The following TNFRSF10B variants were observed in gnomAD, a reference collection of about 807,000 sequenced individuals.
The protein encoded by TNFRSF10B is TNF receptor superfamily member 10b.
Under a neutral mutation model 41.4 loss-of-function variants are expected in TNFRSF10B, and 35 were observed. That is an observed-to-expected ratio of 0.85 (90% CI 0.65 to 1.12). The LOEUF (loss-of-function observed/expected upper bound fraction) is 1.12. Among genes scored for constraint, TNFRSF10B ranks in the 50% most tolerant of loss-of-function variants. The pLI is 0.00. For missense variants in TNFRSF10B, 584 were observed against 552.7 expected (o/e 1.06, Z -0.57); for synonymous variants, 230 against 215.5 (o/e 1.07, Z -0.59).
intron 6 of TNFRSF10B, 72 bp downstream of exon 6, chr8:23,027,648 CCA>C: frequency 6.2e-7 from 1 of 1,604,222 alleles, no homozygotes; most frequent in African/African-American, 1.3e-5. Flanking sequence ...GGGGACCCAC[CCA>C]CCCAGGTTCT....
At chr8:23,049,813 T>C (rs1812469085) in intron 1 of TNFRSF10B, 2 of 152,162 alleles carry the variant, frequency 1.3e-5, no homozygotes, top group African/African-American at 2.4e-5. Flanking sequence ...TTCACCTGCA[T>C]CTTCTTATTG....
intron 3 of TNFRSF10B, 33 bp downstream of exon 3, chr8:23,030,726 C>T: frequency 6.5e-7 from 1 of 1,547,258 alleles, no homozygotes; most frequent in Non-Finnish European, 8.9e-7. Flanking sequence ...CCCCGCATTC[C>T]ACCTTTAGGC....
At chr8:23,045,487 T>C (rs1190732107) in intron 1 of TNFRSF10B, among the ~76,000 whole-genome samples, 1 of 152,236 alleles carries the variant, frequency 6.6e-6, no homozygotes, top group African/African-American at 2.4e-5. Context: ...AAGGCTTCAC[T>C]GCTGAATTCA....
At chr8:23,053,672 A>G (rs1038026873) in intron 1 of TNFRSF10B, among the ~76,000 whole-genome samples, 6 of 152,200 alleles carry the variant, frequency 3.9e-5, no homozygotes, top group Admixed American at 6.5e-5. Context: ...AGAGTTATGA[A>G]AGGTCTATAA....
At chr8:23,059,865 C>T (rs910113129) in intron 1 of TNFRSF10B, among the ~76,000 whole-genome samples, 4 of 152,124 alleles carry the variant, frequency 2.6e-5, no homozygotes, top group Non-Finnish European at 5.9e-5. Context: ...GTATCTCTGT[C>T]GTTTTGACCA....
chr8:23,067,458 C>CAGAG (rs1813022876), intron 1 of TNFRSF10B, among the ~76,000 whole-genome samples: 2 of 151,938 alleles, frequency 1.3e-5, no homozygotes, highest in Non-Finnish European at 2.9e-5. Context: ...AAAAAAAACC[C>CAGAG]CACAACAGAG....
intron 1 of TNFRSF10B, among the ~76,000 whole-genome samples, chr8:23,055,490 A>G (rs1585224601): frequency 6.7e-6 from 1 of 149,546 alleles, no homozygotes; most frequent in African/African-American, 2.5e-5. Flanking sequence ...TTTCAGTACT[A>G]ATCAAGTGCT....
chr8:23,063,886 G>C (rs1812907635), intron 1 of TNFRSF10B, among the ~76,000 whole-genome samples: 1 of 152,212 alleles, frequency 6.6e-6, no homozygotes. Flanking sequence ...CCTCTGTTCT[G>C]TCCTCAGCCT....
At chr8:23,040,796 A>G (rs1812172698) in intron 2 of TNFRSF10B, among the ~76,000 whole-genome samples, 1 of 152,114 alleles carries the variant, frequency 6.6e-6, no homozygotes, top group Admixed American at 6.5e-5. Context: ...TTTTATTAAT[A>G]TTGAAAGACA....
intron 1 of TNFRSF10B, among the ~76,000 whole-genome samples, chr8:23,047,357 C>CA (rs71206564): frequency 0.27 from 28,806 of 108,132 alleles, 3,393 homozygotes; most frequent in Non-Finnish European, 0.31. Flanking sequence ...AATTTCATCT[C>CA]AAAAAAAAAA....
chr8:23,029,845 T>G lies in TNFRSF10B; in HGVS notation c.365-124A>C, dbSNP rs781189700. 3.4e-4 allele frequency: 294 copies of G among 869,710 alleles called. 2 individuals are homozygous for G. Among genetic ancestry groups the G allele is most frequent in the Middle Eastern group, 2.2e-3 (7 of 3,118 alleles). 53.9% of individuals were successfully genotyped at this position (869,710 alleles called of 1,614,324 possible). A position where few individuals can be genotyped will look rare whatever the true frequency, so the allele number is the denominator to read the frequency against. ...TTGCCAAGGAGTTCTGAGGGCCAGT[T>G]TCTGCACCAGCACACTCATGGCTCA... is the stretch of plus-strand genomic sequence containing the variant. On this transcript the variant is annotated intron_variant, in intron 3 of 8. Transcript: ENST00000276431.
At chr8:23,057,850 A>G (rs181928674) in intron 1 of TNFRSF10B, among the ~76,000 whole-genome samples, 236 of 152,334 alleles carry the variant, frequency 1.5e-3, no homozygotes, top group Non-Finnish European at 2.8e-3. Flanking sequence ...AATCCACCTC[A>G]TATGATATTA....
rs781354427 is a variant in TNFRSF10B, at chr8:23,068,956, G to T, written c.-62C>A. Reference sequence around the variant, plus strand: ...TGGGTTTCAGCCCTTAAAGTAGATCGGGCATCGTCGGTGTATTTTGTGGGC... The same window carrying T: ...TGGGTTTCAGCCCTTAAAGTAGATCTGGCATCGTCGGTGTATTTTGTGGGC... On this transcript the variant is annotated 5_prime_UTR_variant, in exon 1 of 9. Coordinates refer to ENST00000276431, the MANE Select transcript of TNFRSF10B (RefSeq NM_003842.5). The T allele has an allele frequency of 8.1e-6, 13 of 1,611,754 alleles. No homozygotes were observed. Among genetic ancestry groups the T allele is most frequent in the Middle Eastern group, 1.7e-4 (1 of 6,054 alleles).
chr8:23,021,346 C>A lies in TNFRSF10B; in HGVS notation c.*1325G>T. The A allele has an allele frequency of 4.4e-6, 2 of 454,110 alleles. No individual in the cohort carries two copies. Among genetic ancestry groups the A allele is most frequent in the Non-Finnish European group, 8.8e-6 (2 of 226,786 alleles). The allele number at this position is 454,110 out of a possible 1,614,324, so 28.1% of individuals were successfully genotyped here. A position where few individuals can be genotyped will look rare whatever the true frequency, so the allele number is the denominator to read the frequency against. ...AGTAGGCAATCTGTACCCTAAAAGG[C>A]AGCTCATGGGCTCAGGGTGACAGAT... On this transcript the variant is annotated 3_prime_UTR_variant, in exon 9 of 9. Coordinates refer to ENST00000276431, the MANE Select transcript of TNFRSF10B (RefSeq NM_003842.5).
chr8:23,036,908 G>T (rs941228536), intron 2 of TNFRSF10B, among the ~76,000 whole-genome samples: 1 of 152,202 alleles, frequency 6.6e-6, no homozygotes, highest in Non-Finnish European at 1.5e-5. Context: ...CATTTTGCTT[G>T]AGGGAAGAAT....
intron 1 of TNFRSF10B, among the ~76,000 whole-genome samples, chr8:23,064,861 A>T (rs1323193462): frequency 6.6e-6 from 1 of 152,200 alleles, no homozygotes; most frequent in African/African-American, 2.4e-5. Flanking sequence ...AAAACACAGA[A>T]CTTTAAACAC....
chr8:23,057,637 G>A (rs1400714522), intron 1 of TNFRSF10B, among the ~76,000 whole-genome samples: 1 of 151,610 alleles, frequency 6.6e-6, no homozygotes, highest in Non-Finnish European at 1.5e-5. Context: ...TCTCTATTTT[G>A]GCTAAGCTGG....
rs1811466278 is a variant in TNFRSF10B, at chr8:23,020,203, GCTTC to G, written c.*2464_*2467del. On this transcript the variant is annotated 3_prime_UTR_variant, in exon 9 of 9. Coordinates refer to ENST00000276431, the MANE Select transcript of TNFRSF10B (RefSeq NM_003842.5). ...TACATAAGTATTTTGTACACAATGTGCTTCCTTGTTTGTATTATAACACATTTCA... is the reference window on the plus strand; with the variant it reads ...TACATAAGTATTTTGTACACAATGTGCTTGTTTGTATTATAACACATTTCA... The G allele has an allele frequency of 9.0e-6, 4 of 446,540 alleles. No individual in the cohort carries two copies. The highest frequency in any genetic ancestry group is 1.8e-5 in the Non-Finnish European group (4 of 221,140). The allele number at this position is 446,540 out of a possible 1,614,324, so 27.7% of individuals were successfully genotyped here. A position where few individuals can be genotyped will look rare whatever the true frequency, so the allele number is the denominator to read the frequency against.
intron 1 of TNFRSF10B, among the ~76,000 whole-genome samples, chr8:23,051,993 G>A (rs1393677040): frequency 6.6e-6 from 1 of 152,116 alleles, no homozygotes; most frequent in Non-Finnish European, 1.5e-5. Flanking sequence ...AGGTTAGAAG[G>A]AAGATGGAGT....
Sources: allele counts gnomAD v4.1 joint callset (sites outside exome capture counted in the v4.1 genomes callset), GRCh38; gene constraint gnomAD v4.1.1; transcripts MANE v1.5; gene names NCBI Gene and HGNC (gene_info 2026-07-23, HGNC 2026-07-21).